Variants in RBFOX1 observed in about 807,000 individuals in gnomAD.
The protein encoded by RBFOX1 is RNA binding protein fox-1 homolog 1.
Under a neutral mutation model 57.7 loss-of-function variants are expected in RBFOX1, and 8 were observed. That is an observed-to-expected ratio of 0.14 (90% CI 0.08 to 0.25). The LOEUF is 0.25. RBFOX1 is among the 10% of genes least tolerant of loss of function. The pLI is 1.00. For synonymous variants in RBFOX1, 326 were observed against 222.4 expected (o/e 1.47, Z -4.15); for missense variants, 611 against 548.5 (o/e 1.11, Z -1.14).
At chr16:7,628,404 C>T (rs1193181192) in intron 10 of RBFOX1, among the ~76,000 whole-genome samples, 1 of 152,140 alleles carries the variant, frequency 6.6e-6, no homozygotes, top group East Asian at 1.9e-4. Context: ...TGCAGAGTCA[C>T]ACAGGAGTAC....
At chr16:7,178,994 C>T (rs530590436) in intron 4 of RBFOX1, among the ~76,000 whole-genome samples, 2 of 152,024 alleles carry the variant, frequency 1.3e-5, no homozygotes, top group Admixed American at 6.6e-5. Flanking sequence ...GTGCATATGG[C>T]GGGTGATAAA....
chr16:7,554,590 G>C (rs1235080364), intron 5 of RBFOX1, among the ~76,000 whole-genome samples: 2 of 152,036 alleles, frequency 1.3e-5, no homozygotes, highest in East Asian at 1.9e-4. Context: ...CTTACCTTTA[G>C]AATTGCCATG....
At chr16:5,434,800 T>C (rs1248894775) in intron 1 of RBFOX1, among the ~76,000 whole-genome samples, 1 of 152,208 alleles carries the variant, frequency 6.6e-6, no homozygotes, top group Non-Finnish European at 1.5e-5. Context: ...ATATAACTAA[T>C]ATCATTTATT....
chr16:6,727,950 TGAAGG>T (rs773347515), intron 3 of RBFOX1, among the ~76,000 whole-genome samples: 21 of 152,170 alleles, frequency 1.4e-4, no homozygotes, highest in Non-Finnish European at 2.8e-4. Flanking sequence ...CGCACAGAGA[TGAAGG>T]GAAGAAAATT....
intron 1 of RBFOX1, among the ~76,000 whole-genome samples, chr16:6,267,777 C>T (rs181365718): frequency 6.0e-4 from 92 of 152,246 alleles, no homozygotes; most frequent in African/African-American, 2.2e-3. Context: ...GTATGATAAC[C>T]AGGTGTGTGG....
At chr16:6,615,950 G>A (rs1157646450) in intron 2 of RBFOX1, among the ~76,000 whole-genome samples, 1 of 152,122 alleles carries the variant, frequency 6.6e-6, no homozygotes, top group Non-Finnish European at 1.5e-5. Context: ...GTGAACAGTG[G>A]TACCGGTCCC....
At chr16:5,577,053 T>C (rs1290513427) in intron 2 of RBFOX1, among the ~76,000 whole-genome samples, 2 of 152,232 alleles carry the variant, frequency 1.3e-5, no homozygotes, top group Admixed American at 1.3e-4. Context: ...CCTCTTCCCC[T>C]GTCTTCCAGA....
chr16:7,420,251 G>T (rs535292703), intron 4 of RBFOX1, among the ~76,000 whole-genome samples: 2 of 152,090 alleles, frequency 1.3e-5, no homozygotes, highest in Non-Finnish European at 2.9e-5. Flanking sequence ...ATTGTAAATA[G>T]CCTCTCGTCC....
intron 1 of RBFOX1, among the ~76,000 whole-genome samples, chr16:5,458,862 A>G (rs1337161759): frequency 6.6e-6 from 1 of 152,230 alleles, no homozygotes; most frequent in Non-Finnish European, 1.5e-5. Flanking sequence ...CTCTGGGGAT[A>G]TAGTAGAGAA....
At chr16:5,285,982 G>A (rs1297560662) in intron 1 of RBFOX1, among the ~76,000 whole-genome samples, 1 of 152,114 alleles carries the variant, frequency 6.6e-6, no homozygotes, top group African/African-American at 2.4e-5. Context: ...ATGTTGGCCG[G>A]GCTGGTCTCG....
intron 4 of RBFOX1, among the ~76,000 whole-genome samples, chr16:7,121,668 G>A (rs1229519884): frequency 1.3e-5 from 2 of 151,868 alleles, no homozygotes; most frequent in African/African-American, 4.8e-5. Flanking sequence ...CAAAATTCTA[G>A]CAGGTATTTT....
intron 2 of RBFOX1, among the ~76,000 whole-genome samples, chr16:5,593,904 A>C (rs2047095030): frequency 1.3e-5 from 2 of 152,168 alleles, no homozygotes; most frequent in Admixed American, 6.5e-5. Flanking sequence ...TAACAGAGGT[A>C]CTGACCCCAT....
At chr16:6,373,229 T>C (rs540967297) in intron 2 of RBFOX1, among the ~76,000 whole-genome samples, 3 of 151,022 alleles carry the variant, frequency 2.0e-5, no homozygotes, top group Non-Finnish European at 4.4e-5. Context: ...GATAGTTCGT[T>C]GGGATCACTG....
intron 4 of RBFOX1, among the ~76,000 whole-genome samples, chr16:5,956,661 TATATATATATA>T (rs1428828232): frequency 9.8e-5 from 5 of 51,054 alleles, no homozygotes; most frequent in Admixed American, 7.8e-4. Flanking sequence ...TATATATTTA[TATATATATATA>T]TATATATTTT....
chr16:6,829,481 T>TAA (rs35754742), intron 3 of RBFOX1, among the ~76,000 whole-genome samples: 9,560 of 135,486 alleles, frequency 0.071, 419 homozygotes, highest in Non-Finnish European at 0.1. Context: ...ACTCAACCAT[T>TAA]AAAAAAAAAA....
intron 9 of RBFOX1, among the ~76,000 whole-genome samples, chr16:7,605,865 G>A (rs1317825456): frequency 1.3e-5 from 2 of 152,076 alleles, no homozygotes; most frequent in Admixed American, 6.6e-5. Context: ...TTGAGACAGA[G>A]TCTCACTCTG....
Position 7,710,813 on chromosome 16 carries a change from T to C in RBFOX1, c.*68T>C, listed in dbSNP as rs1202123361. 3.0e-6 allele frequency: 4 copies of C among 1,336,664 alleles called. No homozygotes were observed. Among genetic ancestry groups the C allele is most frequent in the South Asian group, 3.5e-5 (2 of 57,024 alleles). 82.8% of individuals were successfully genotyped at this position (1,336,664 alleles called of 1,614,324 possible). A position where few individuals can be genotyped will look rare whatever the true frequency, so the allele number is the denominator to read the frequency against. ...GCTTTCCGAGGCCTGAGTATTGCAA[T>C]ACATGCAGTAGTACATCATTTTAGC... is the stretch of plus-strand genomic sequence containing the variant. On this transcript the variant is annotated 3_prime_UTR_variant, in exon 16 of 16. Coordinates refer to ENST00000550418, the MANE Select transcript of RBFOX1 (RefSeq NM_018723.4).
intron 4 of RBFOX1, among the ~76,000 whole-genome samples, chr16:7,072,207 G>C (rs1176591520): frequency 2.0e-5 from 3 of 152,134 alleles, no homozygotes; most frequent in African/African-American, 7.2e-5. Context: ...TCCTGGTTTG[G>C]AGAATAAATT....
chr16:5,540,414 G>C (rs986585365), intron 2 of RBFOX1, among the ~76,000 whole-genome samples: 3 of 152,170 alleles, frequency 2.0e-5, no homozygotes, highest in African/African-American at 4.8e-5. Context: ...CAGAATTTTC[G>C]TTTGTTGGTT....
Sources: gnomAD v4.1 joint callset for allele counts (sites outside exome capture counted in the v4.1 genomes callset) on GRCh38, gnomAD v4.1.1 for gene constraint, MANE v1.5 for transcripts, NCBI Gene and HGNC (gene_info 2026-07-23, HGNC 2026-07-21) for gene names.